The following XYLB variants were observed in gnomAD, a reference collection of about 807,000 sequenced individuals.
XYLB encodes xylulokinase, also known as xylulose kinase.
Under a neutral mutation model 78.7 loss-of-function variants are expected in XYLB, and 62 were observed. The ratio of observed to expected loss-of-function variants is 0.79; its 90% CI spans 0.64 to 0.97. The LOEUF (loss-of-function observed/expected upper bound fraction) is 0.97, where lower values mean the gene tolerates loss of function less well. Among genes scored for constraint, XYLB ranks in the 50% least tolerant of loss-of-function variants. The pLI is 0.00. For synonymous variants in XYLB, 245 were observed against 247.4 expected (o/e 0.99, Z 0.09); for missense variants, 687 against 676.8 (o/e 1.02, Z -0.17).
the XYLB span, among the ~76,000 whole-genome samples, chr3:38,450,303 G>A: frequency 6.6e-6 from 1 of 152,172 alleles, no homozygotes; most frequent in African/African-American, 2.4e-5. Flanking sequence ...CTTGCTAAAT[G>A]AATGTATTTA....
chr3:38,449,780 G>A, the XYLB span, among the ~76,000 whole-genome samples: 1 of 152,156 alleles, frequency 6.6e-6, no homozygotes, highest in African/African-American at 2.4e-5. Context: ...ACCTCCAATG[G>A]ATATGTATCA....
chr3:38,405,383 A>C (rs1400255470), intron 18 of XYLB, among the ~76,000 whole-genome samples: 3 of 151,044 alleles, frequency 2.0e-5, no homozygotes, highest in Non-Finnish European at 4.4e-5. Flanking sequence ...AAAAAAAAAA[A>C]AAAAAAAAAA....
intron 9 of XYLB, among the ~76,000 whole-genome samples, chr3:38,371,603 G>A (rs1221154148): frequency 2.0e-5 from 3 of 152,068 alleles, no homozygotes; most frequent in African/African-American, 4.8e-5. Context: ...TAGTGACAGG[G>A]TCTCACTATG....
Position 38,368,251 on chromosome 3 carries a change from A to G in XYLB, c.640A>G (p.Ser214Gly), listed in dbSNP as rs371436323. The change falls in exon 8 of 19, where the codon AGT (serine) becomes GGT (glycine). Residue 214 changes from serine (S) to glycine (G), a missense_variant. By Grantham distance (56) the Ser-to-Gly change is moderately conservative. Transcript: ENST00000207870. ...FLGSYSPIDY[S>G]DGSGMNLLQI... is the part of the protein sequence containing the mutation. ...TGGCTCTTACTCCCCTATTGACTAC[A>G]GTGATGGTGAGCCTCGGGGTATGGG... is the stretch of plus-strand genomic sequence containing the variant. The G allele has an allele frequency of 1.2e-6, 2 of 1,614,024 alleles. No individual in the cohort carries two copies. Among genetic ancestry groups the G allele is most frequent in the South Asian group, 1.1e-5 (1 of 91,076 alleles).
chr3:38,395,485 T>G lies in XYLB; in HGVS notation c.1292-20T>G, dbSNP rs1438712864. ...GGGAGAACTGGCATAGCTATTTTAC[T>G]TTTTTCTTTTCCCTTGCAGTGTCCA... On this transcript the variant is annotated intron_variant, in intron 15 of 18. Coordinates refer to ENST00000207870, the MANE Select transcript of XYLB (RefSeq NM_005108.4). 6.2e-7 allele frequency: 1 copy of G among 1,613,812 alleles called. No individual in the cohort carries two copies. The highest frequency in any genetic ancestry group is 8.5e-7 in the Non-Finnish European group (1 of 1,179,834).
intron 6 of XYLB, 138 bp downstream of exon 6, chr3:38,365,874 G>A: frequency 7.5e-7 from 1 of 1,342,136 alleles, no homozygotes; most frequent in Non-Finnish European, 9.9e-7. Flanking sequence ...TGGCCCCTGG[G>A]TCCTGATCCA....
At chr3:38,431,451 C>G in the XYLB span, among the ~76,000 whole-genome samples, 1 of 152,208 alleles carries the variant, frequency 6.6e-6, no homozygotes, top group South Asian at 2.1e-4. Context: ...AGATTTGGGG[C>G]TGAGACGATG....
chr3:38,449,153 T>G, the XYLB span, among the ~76,000 whole-genome samples: 1 of 152,190 alleles, frequency 6.6e-6, no homozygotes, highest in South Asian at 2.1e-4. Flanking sequence ...CATTCAAGTC[T>G]TGCTCTGTTG....
chr3:38,445,177 T>C, the XYLB span, among the ~76,000 whole-genome samples: 1 of 152,144 alleles, frequency 6.6e-6, no homozygotes, highest in Non-Finnish European at 1.5e-5. Flanking sequence ...TCTCCAGGGT[T>C]GGAAGAGTAA....
downstream of XYLB, among the ~76,000 whole-genome samples, chr3:38,418,587 T>C (rs535293376): frequency 1.3e-5 from 2 of 152,354 alleles, no homozygotes; most frequent in South Asian, 4.1e-4. Flanking sequence ...ATTGAATAGA[T>C]TATAATGCAT....
intron 14 of XYLB, among the ~76,000 whole-genome samples, chr3:38,377,637 G>A (rs984555488): frequency 6.6e-6 from 1 of 151,684 alleles, no homozygotes; most frequent in Non-Finnish European, 1.5e-5. Flanking sequence ...TAGTAGATAG[G>A]GGTTTCTCCA....
chr3:38,412,385 A>G (rs1708631568), intron 18 of XYLB, among the ~76,000 whole-genome samples: 1 of 152,066 alleles, frequency 6.6e-6, no homozygotes, highest in Non-Finnish European at 1.5e-5. Flanking sequence ...GGACTGCTAC[A>G]TGGTCTTCCA....
intron 2 of XYLB, chr3:38,356,056 C>G (rs1480759450): frequency 2.7e-6 from 1 of 370,532 alleles, no homozygotes; most frequent in African/African-American, 2.1e-5. Context: ...TCGAGACCAT[C>G]CTGGCTAATG....
At chr3:38,394,767 T>C (rs894954679) in intron 15 of XYLB, among the ~76,000 whole-genome samples, 2 of 152,244 alleles carry the variant, frequency 1.3e-5, no homozygotes, top group African/African-American at 2.4e-5. Flanking sequence ...GCAGTCACAA[T>C]GTCATCTGGG....
intron 1 of XYLB, among the ~76,000 whole-genome samples, chr3:38,347,585 C>T (rs557200216): frequency 6.6e-6 from 1 of 151,432 alleles, no homozygotes; most frequent in Non-Finnish European, 1.5e-5. Flanking sequence ...GAGGCTGAAG[C>T]GGATCGCTTG....
At chr3:38,419,140 A>G (rs1188777903), downstream of XYLB, among the ~76,000 whole-genome samples, 4 of 152,046 alleles carry the variant, frequency 2.6e-5, no homozygotes, top group Non-Finnish European at 5.9e-5. Context: ...GGTATCATAC[A>G]TGTTTCCTCT....
intron 2 of XYLB, among the ~76,000 whole-genome samples, chr3:38,349,892 A>G (rs1705267921): frequency 2.0e-5 from 3 of 152,168 alleles, no homozygotes; most frequent in Admixed American, 6.5e-5. Context: ...TCTTCTTATA[A>G]GGACATGAGT....
In XYLB at chr3:38,414,323, T is replaced by G. The variant is rs1329946479; in HGVS notation, c.*1310T>G. The G allele has an allele frequency of 1.3e-5, 2 of 151,788 alleles. No homozygotes were observed. Among genetic ancestry groups the G allele is most frequent in the African/African-American group, 4.8e-5 (2 of 41,288 alleles). 9.4% of individuals were successfully genotyped at this position (151,788 alleles called of 1,614,324 possible). On this transcript the variant is annotated 3_prime_UTR_variant, in exon 19 of 19. Coordinates refer to ENST00000207870, the MANE Select transcript of XYLB (RefSeq NM_005108.4). ...GCCATCTTGAAAGTGAGTGGTGTCC[T>G]TTGGAGGCATGGTGGATGAAAGGCG...
downstream of XYLB, among the ~76,000 whole-genome samples, chr3:38,419,603 T>TATATATATATATATA (rs71085322): frequency 3.7e-5 from 3 of 80,892 alleles, no homozygotes; most frequent in Admixed American, 1.5e-4. Flanking sequence ...TATATATATA[T>TATATATATATATATA]AATAGCCATC....
Sources: gnomAD v4.1 joint callset for allele counts (sites outside exome capture counted in the v4.1 genomes callset) on GRCh38, gnomAD v4.1.1 for gene constraint, MANE v1.5 for transcripts, NCBI Gene and HGNC (gene_info 2026-07-23, HGNC 2026-07-21) for gene names.